Variants in PPFIA2 observed in about 807,000 individuals in gnomAD.
The protein encoded by PPFIA2 is PPFI scaffold protein A2.
Under a neutral mutation model 175.5 loss-of-function variants are expected in PPFIA2, and 46 were observed. The ratio of observed to expected loss-of-function variants is 0.26; its 90% CI spans 0.21 to 0.34. The LOEUF (loss-of-function observed/expected upper bound fraction) is 0.34, where lower values mean the gene tolerates loss of function less well. PPFIA2 is among the 10% of genes least tolerant of loss of function. The pLI is 1.00. For missense variants in PPFIA2, 1,179 were observed against 1,506.1 expected (o/e 0.78, Z 3.60); for synonymous variants, 568 against 511.4 (o/e 1.11, Z -1.49).
intron 3 of PPFIA2, among the ~76,000 whole-genome samples, chr12:81,726,322 C>T (rs1350751294): frequency 6.6e-6 from 1 of 151,210 alleles, no homozygotes. Context: ...ATCCTGATAT[C>T]TGTCTGGAGG....
chr12:81,345,077 C>A (rs2058818939), intron 18 of PPFIA2, among the ~76,000 whole-genome samples: 1 of 152,078 alleles, frequency 6.6e-6, no homozygotes, highest in Admixed American at 6.6e-5. Flanking sequence ...AGATCCAATG[C>A]ATATACAAGG....
intron 4 of PPFIA2, among the ~76,000 whole-genome samples, chr12:81,659,363 C>T (rs538096838): frequency 1.3e-5 from 2 of 152,142 alleles, no homozygotes; most frequent in Non-Finnish European, 2.9e-5. Context: ...TCACTCCCAC[C>T]CTAATACTGC....
At chr12:81,353,426 A>T (rs2060353894) in intron 16 of PPFIA2, 87 bp from the exon 17 acceptor site, 2 of 926,814 alleles carry the variant, frequency 2.2e-6, no homozygotes, top group African/African-American at 3.3e-5. Context: ...AACAACAGGC[A>T]TGCTTTTACA....
intron 7 of PPFIA2, among the ~76,000 whole-genome samples, chr12:81,414,304 G>A (rs1386655886): frequency 6.6e-6 from 1 of 151,610 alleles, no homozygotes; most frequent in Non-Finnish European, 1.5e-5. Context: ...CCTGACCTGC[G>A]TTGGCAAACA....
chr12:81,697,466 A>C lies in PPFIA2; in HGVS notation c.250-20622T>G, dbSNP rs144068787. On this transcript the variant is annotated intron_variant, in intron 3 of 32. Coordinates refer to ENST00000549396, the MANE Select transcript of PPFIA2 (RefSeq NM_003625.5). ...GAAAGGGGAAAAAGCCATGGAAATTAAGTAAGTCACATTTAAGATTATTAA... is the reference window on the plus strand; with the variant it reads ...GAAAGGGGAAAAAGCCATGGAAATTCAGTAAGTCACATTTAAGATTATTAA... 1.6e-3 allele frequency among the ~76,000 whole-genome samples: 236 copies of C among 152,170 alleles called. 6 individuals are homozygous for C. In the East Asian group the frequency reaches 0.038, roughly 25 times the overall value.
intron 28 of PPFIA2, among the ~76,000 whole-genome samples, chr12:81,273,301 C>A (rs1169145317): frequency 6.6e-6 from 1 of 152,084 alleles, no homozygotes; most frequent in Non-Finnish European, 1.5e-5. Context: ...GTTTTGGCAC[C>A]TCTAAATTCC....
At chr12:81,401,521 T>C (rs2042097055) in intron 8 of PPFIA2, among the ~76,000 whole-genome samples, 1 of 152,190 alleles carries the variant, frequency 6.6e-6, no homozygotes, top group African/African-American at 2.4e-5. Flanking sequence ...ACTCTAATAT[T>C]ATTTTTGATA....
At chr12:81,304,593 C>T (rs893194200) in intron 22 of PPFIA2, among the ~76,000 whole-genome samples, 12 of 151,910 alleles carry the variant, frequency 7.9e-5, no homozygotes, top group African/African-American at 2.9e-4. Context: ...TGAAAAGTGG[C>T]AGGGAGTAGG....
intron 7 of PPFIA2, among the ~76,000 whole-genome samples, chr12:81,433,951 T>A (rs1566811329): frequency 6.6e-6 from 1 of 152,140 alleles, no homozygotes; most frequent in Non-Finnish European, 1.5e-5. Context: ...AAATAGTTCA[T>A]TAAAGAGGTG....
intron 4 of PPFIA2, among the ~76,000 whole-genome samples, chr12:81,606,052 T>A (rs1211499317): frequency 6.6e-6 from 1 of 151,970 alleles, no homozygotes; most frequent in African/African-American, 2.4e-5. Flanking sequence ...CTTCCACTTG[T>A]AAGTGAGAAA....
At chr12:81,440,808 G>A (rs74104483) in intron 6 of PPFIA2, among the ~76,000 whole-genome samples, 21,988 of 144,728 alleles carry the variant, frequency 0.15, 2,393 homozygotes, top group East Asian at 0.41. Context: ...CTATATATAT[G>A]TCCTGATATA....
intron 3 of PPFIA2, among the ~76,000 whole-genome samples, chr12:81,738,684 A>AT (rs1005874743): frequency 4.6e-5 from 7 of 151,780 alleles, no homozygotes; most frequent in African/African-American, 1.7e-4. Context: ...TAAAAAAAAA[A>AT]CACAGGATAG....
chr12:81,720,866 T>C (rs2153629010), intron 3 of PPFIA2, among the ~76,000 whole-genome samples: 1 of 151,452 alleles, frequency 6.6e-6, no homozygotes, highest in East Asian at 1.9e-4. Context: ...CAACTTTTGT[T>C]ACTTACAACC....
chr12:81,315,281 A>G (rs2052057454), intron 22 of PPFIA2, among the ~76,000 whole-genome samples: 1 of 151,828 alleles, frequency 6.6e-6, no homozygotes. Context: ...CTCTGCTGTA[A>G]TTTTCTCCAA....
At chr12:81,294,063 C>T (rs1206672615) in intron 24 of PPFIA2, among the ~76,000 whole-genome samples, 1 of 152,060 alleles carries the variant, frequency 6.6e-6, no homozygotes, top group African/African-American at 2.4e-5. Flanking sequence ...TACAACATGT[C>T]CTCACTTGTA....
At chr12:81,298,578 T>G (rs1191637630) in intron 23 of PPFIA2, among the ~76,000 whole-genome samples, 1 of 152,182 alleles carries the variant, frequency 6.6e-6, no homozygotes, top group African/African-American at 2.4e-5. Flanking sequence ...GCAGCTCACA[T>G]AGAGAACTGA....
At chr12:81,616,447 T>C (rs917599088) in intron 4 of PPFIA2, among the ~76,000 whole-genome samples, 2 of 152,036 alleles carry the variant, frequency 1.3e-5, no homozygotes, top group African/African-American at 4.8e-5. Context: ...AATAAAGGGG[T>C]TAAACATCAC....
At chr12:81,554,871 G>T (rs905525768) in intron 4 of PPFIA2, among the ~76,000 whole-genome samples, 1 of 151,982 alleles carries the variant, frequency 6.6e-6, no homozygotes, top group Non-Finnish European at 1.5e-5. Context: ...AGTTTTTCTT[G>T]TTCAGTACCA....
chr12:81,689,588 C>T (rs867204653), intron 3 of PPFIA2, among the ~76,000 whole-genome samples: 42 of 151,974 alleles, frequency 2.8e-4, no homozygotes, highest in African/African-American at 8.9e-4. Context: ...GATTTAGAGT[C>T]GATCATAGAA....
Sources: allele counts gnomAD v4.1 joint callset (sites outside exome capture counted in the v4.1 genomes callset), GRCh38; gene constraint gnomAD v4.1.1; transcripts MANE v1.5; gene names NCBI Gene and HGNC (gene_info 2026-07-23, HGNC 2026-07-21).